The following OCA2 variants were observed in gnomAD, a reference collection of about 807,000 sequenced individuals.
OCA2 encodes OCA2 melanosomal transmembrane protein, also known as P protein.
OCA2 carries 77 observed loss-of-function variants against 100.2 expected under a neutral mutation model. The ratio of observed to expected loss-of-function variants is 0.77; its 90% CI spans 0.64 to 0.93. OCA2 has a LOEUF of 0.93. Among genes scored for constraint, OCA2 ranks in the 40% least tolerant of loss-of-function variants. OCA2 has a pLI of 0.00. For missense variants in OCA2, 1,062 were observed against 1,089.1 expected (o/e 0.98, Z 0.35); for synonymous variants, 432 against 439.2 (o/e 0.98, Z 0.21).
chr15:27,839,978 A>G (rs984151152), intron 23 of OCA2, among the ~76,000 whole-genome samples: 1 of 152,154 alleles, frequency 6.6e-6, no homozygotes, highest in Admixed American at 6.5e-5. Flanking sequence ...TAAACATCCA[A>G]TTCAGATGAA....
chr15:27,875,062 T>G (rs7165093), intron 19 of OCA2, among the ~76,000 whole-genome samples: 14,057 of 151,660 alleles, frequency 0.093, 1,456 homozygotes, highest in African/African-American at 0.25. Flanking sequence ...CCCAAAGAAG[T>G]GAAGAGAAAA....
rs770934507 is a variant in OCA2 at position 27,755,399 on chromosome 15, C to A, written c.2506G>T (p.Gly836Ter). The A allele has an allele frequency of 6.2e-7, 1 of 1,612,138 alleles. No homozygotes were observed. Among genetic ancestry groups the A allele is most frequent in the Non-Finnish European group, 8.5e-7 (1 of 1,178,262 alleles). Reference protein sequence around the residue: ...CYLLVAHVVVGWN With the variant: ...CYLLVAHVVV ...TAGATGGATGTCTATTAATTCCATCCCACCACCACATGAGCCACAAGGAGA... is the reference window on the plus strand; with the variant it reads ...TAGATGGATGTCTATTAATTCCATCACACCACCACATGAGCCACAAGGAGA... Residue 836 changes from glycine to a stop codon, truncating the protein, a stop_gained, in exon 24 of 24, where the codon GGA becomes TGA. Transcript: ENST00000354638. LOFTEE classifies it high-confidence loss of function.
At chr15:27,964,879 T>C (rs1027281612) in intron 15 of OCA2, among the ~76,000 whole-genome samples, 4 of 152,162 alleles carry the variant, frequency 2.6e-5, no homozygotes, top group Non-Finnish European at 5.9e-5. Context: ...TCACCAGGTG[T>C]GTCCACTTCC....
intron 2 of OCA2, among the ~76,000 whole-genome samples, chr15:28,077,849 A>G (rs1180133630): frequency 6.6e-6 from 1 of 152,210 alleles, no homozygotes; most frequent in Non-Finnish European, 1.5e-5. Flanking sequence ...TCGGAGACCG[A>G]GGCAGGTGGA....
chr15:27,724,321 C>T, the OCA2 span, among the ~76,000 whole-genome samples: 1 of 152,128 alleles, frequency 6.6e-6, no homozygotes, highest in South Asian at 2.1e-4. Flanking sequence ...GGGCCTCTCC[C>T]TTTTGCCCCT....
At chr15:27,855,739 A>AT (rs1431697061) in intron 21 of OCA2, among the ~76,000 whole-genome samples, 1 of 152,252 alleles carries the variant, frequency 6.6e-6, no homozygotes, top group African/African-American at 2.4e-5. Flanking sequence ...GACAGTAAAT[A>AT]TAAGACACAA....
intron 2 of OCA2, among the ~76,000 whole-genome samples, chr15:28,052,160 G>C (rs1050682802): frequency 6.6e-6 from 1 of 152,148 alleles, no homozygotes; most frequent in Non-Finnish European, 1.5e-5. Context: ...CCCCAGCTCA[G>C]CTTTGCTGTC....
the OCA2 span, among the ~76,000 whole-genome samples, chr15:27,720,542 T>A: frequency 1.3e-5 from 2 of 151,154 alleles, no homozygotes; most frequent in African/African-American, 4.9e-5. Flanking sequence ...ATGTATGTTT[T>A]TATATATATA....
intron 7 of OCA2, among the ~76,000 whole-genome samples, chr15:28,016,418 G>GA (rs1273123824): frequency 6.6e-6 from 1 of 152,180 alleles, no homozygotes. Context: ...GGATTCAAAA[G>GA]AAAAAATGCA....
intron 19 of OCA2, among the ~76,000 whole-genome samples, chr15:27,894,287 GC>G (rs1354969578): frequency 6.6e-6 from 1 of 152,186 alleles, no homozygotes; most frequent in African/African-American, 2.4e-5. Context: ...CACCTCTGGA[GC>G]CCCCAGTGAC....
chr15:27,851,567 C>T, intron 21 of OCA2, 92 bp from the exon 22 acceptor site: 1 of 998,878 alleles, frequency 1.0e-6, no homozygotes, highest in Admixed American at 2.0e-5. Context: ...AATGCTTTCT[C>T]AGCATTCAAA....
intron 18 of OCA2, among the ~76,000 whole-genome samples, chr15:27,938,216 C>T (rs568518343): frequency 1.8e-4 from 28 of 152,240 alleles, no homozygotes; most frequent in Middle Eastern, 3.4e-3. Context: ...TCCTCTTAAA[C>T]CAAATGGGCA....
intron 2 of OCA2, among the ~76,000 whole-genome samples, chr15:28,078,080 A>G (rs934205525): frequency 6.6e-6 from 1 of 152,234 alleles, no homozygotes; most frequent in Non-Finnish European, 1.5e-5. Context: ...TTGAACTTAC[A>G]AATAAATGCA....
the OCA2 span, among the ~76,000 whole-genome samples, chr15:27,728,894 C>G: frequency 4.9e-4 from 75 of 152,258 alleles, no homozygotes; most frequent in South Asian, 0.014. Context: ...ATTTTAGTGT[C>G]GTTTACAACC....
At chr15:27,760,091 G>A (rs1222804794) in intron 23 of OCA2, among the ~76,000 whole-genome samples, 1 of 151,952 alleles carries the variant, frequency 6.6e-6, no homozygotes, top group Non-Finnish European at 1.5e-5. Flanking sequence ...ATCAGTAACA[G>A]AAAGGCAACC....
chr15:27,918,456 C>T (rs1164522073), intron 19 of OCA2, among the ~76,000 whole-genome samples: 1 of 152,148 alleles, frequency 6.6e-6, no homozygotes, highest in Non-Finnish European at 1.5e-5. Context: ...AGGTTGGAAA[C>T]TGAGGCAAGA....
intron 18 of OCA2, among the ~76,000 whole-genome samples, chr15:27,944,925 G>A (rs1485412060): frequency 6.6e-6 from 1 of 152,110 alleles, no homozygotes; most frequent in East Asian, 1.9e-4. Context: ...GAACCCGCTG[G>A]ACAGTTACAT....
At chr15:28,032,031 C>G in intron 3 of OCA2, 34 bp downstream of exon 3, 1 of 1,538,924 alleles carries the variant, frequency 6.5e-7, no homozygotes, top group Non-Finnish European at 9.0e-7. Flanking sequence ...TGCTCAGAAA[C>G]TCTTACTTTC....
intron 14 of OCA2, among the ~76,000 whole-genome samples, chr15:27,970,353 CAAGA>C (rs1417217613): frequency 1.3e-4 from 20 of 151,940 alleles, no homozygotes; most frequent in Middle Eastern, 3.4e-3. Context: ...GCAGGGCCCA[CAAGA>C]GAGAGACACT....
Sources: gnomAD v4.1 joint callset for allele counts (sites outside exome capture counted in the v4.1 genomes callset) on GRCh38, gnomAD v4.1.1 for gene constraint, MANE v1.5 for transcripts, NCBI Gene and HGNC (gene_info 2026-07-23, HGNC 2026-07-21) for gene names.